Variants in UPB1 observed in about 807,000 individuals in gnomAD.
UPB1 encodes beta-ureidopropionase.
In UPB1, 40 loss-of-function variants were observed where a neutral mutation model predicts 49.1. The ratio of observed to expected loss-of-function variants is 0.81; its 90% CI spans 0.63 to 1.06. UPB1 has a LOEUF of 1.06. Ranked by LOEUF, UPB1 falls within the 50% of genes least tolerant of loss-of-function variation. UPB1 has a pLI of 0.00. For synonymous variants in UPB1, 207 were observed against 198.2 expected, an observed-to-expected ratio of 1.04 and a Z score of -0.38; for missense variants, 499 against 505.9, an observed-to-expected ratio of 0.99 and a Z score of 0.13.
At chr22:24,521,253 G>A (rs555919344) in intron 7 of UPB1, among the ~76,000 whole-genome samples, 65 of 150,460 alleles carry the variant, frequency 4.3e-4, no homozygotes, top group African/African-American at 1.5e-3. Flanking sequence ...AGACCGAGTC[G>A]GGTAGATCAC....
At chr22:24,516,264 C>T (rs6004171) in intron 6 of UPB1, among the ~76,000 whole-genome samples, 59,579 of 151,696 alleles carry the variant, frequency 0.39, 11,968 homozygotes, top group South Asian at 0.54. Context: ...ACAGATAGAA[C>T]TGCCCTTGTC....
chr22:24,520,017 C>G, intron 6 of UPB1: 2 of 338,682 alleles, frequency 5.9e-6, no homozygotes, highest in Non-Finnish European at 1.2e-5. Context: ...GTCATTCAGT[C>G]TTCATAGTCT....
intron 7 of UPB1, 62 bp downstream of exon 7, chr22:24,520,530 C>T (rs1451951509): frequency 2.6e-6 from 4 of 1,563,452 alleles, no homozygotes; most frequent in Admixed American, 1.8e-5. Flanking sequence ...TGGGGACACC[C>T]CGTTCCCTCT....
chr22:24,511,094 G>A (rs572261893), intron 4 of UPB1, among the ~76,000 whole-genome samples: 3 of 152,158 alleles, frequency 2.0e-5, no homozygotes, highest in South Asian at 2.1e-4. Context: ...GAGGGTGGTC[G>A]GAGGTGACTT....
In UPB1 at chr22:24,515,237, G is replaced by A. The variant is rs143521220; in HGVS notation, c.658G>A (p.Val220Met). Reference sequence around the variant, plus strand: ...CATGGAGGGAAACCTGGGCCACCCCGTGTTCCAGACGCAGTTCGGAAGGAT... The same window carrying A: ...CATGGAGGGAAACCTGGGCCACCCCATGTTCCAGACGCAGTTCGGAAGGAT... ...YYMEGNLGHP[V>M]FQTQFGRIAV... Residue 220 changes from valine (V) to methionine (M), a missense_variant, in exon 6 of 10, where the codon GTG becomes ATG. Coordinates refer to ENST00000326010, the MANE Select transcript of UPB1 (RefSeq NM_016327.3). The A allele has an allele frequency of 4.3e-5, 69 of 1,614,020 alleles. No individual in the cohort carries two copies. Among genetic ancestry groups the A allele is most frequent in the African/African-American group, 1.1e-4 (8 of 74,900 alleles).
chr22:24,496,848 G>A lies in UPB1; in HGVS notation c.104+1341G>A, dbSNP rs35270298. 3.3e-5 allele frequency among the ~76,000 whole-genome samples: 5 copies of A among 152,170 alleles called. 1 individual carries two copies. Among genetic ancestry groups the A allele is most frequent in the Admixed American group, 3.3e-4 (5 of 15,280 alleles). ...TCAGATGGCTCAGAAATGTCTAGCG[G>A]GTGAGGACAGCAGGAAGTCTGCTGG... On this transcript the variant is annotated intron_variant, in intron 1 of 9. Transcript: ENST00000326010.
intron 8 of UPB1, 71 bp downstream of exon 8, chr22:24,522,099 T>C: frequency 5.1e-6 from 8 of 1,564,700 alleles, no homozygotes; most frequent in African/African-American, 1.3e-5. Flanking sequence ...GTCTGCTTCC[T>C]CCAGTCAGGA....
At chr22:24,521,669 C>T (rs1211181199) in intron 7 of UPB1, among the ~76,000 whole-genome samples, 1 of 152,152 alleles carries the variant, frequency 6.6e-6, no homozygotes, top group Non-Finnish European at 1.5e-5. Flanking sequence ...AGGCCAGCCT[C>T]AGGTGCCCAC....
In UPB1 at chr22:24,510,780, G is replaced by A. The variant is rs549258723; in HGVS notation, c.396G>A (p.Lys132=). The A allele has an allele frequency of 6.2e-7, 1 of 1,614,174 alleles. No homozygotes were observed. Among genetic ancestry groups the A allele is most frequent in the African/African-American group, 1.3e-5 (1 of 75,044 alleles). Residue 132 remains lysine, a synonymous_variant, in exon 4 of 10, where the codon AAG becomes AAA. Transcript: ENST00000326010. ...TMPFAFCTRE[K]LPWTEFAESA... ...CCTTTGCCTTCTGTACGAGAGAGAA[G>A]CTTCCTTGGACAGAATTTGCTGAGT... is the stretch of plus-strand genomic sequence containing the variant.
chr22:24,521,920 T>G (rs1336234856), intron 7 of UPB1, 66 bp from the exon 8 acceptor site: 1,150 of 1,539,418 alleles, frequency 7.5e-4, no homozygotes, highest in Non-Finnish European at 9.5e-4. Flanking sequence ...TCTGGCTGAG[T>G]GAGCTGGAAT....
chr22:24,513,734 T>A (rs1049553937), intron 5 of UPB1, among the ~76,000 whole-genome samples: 4 of 152,190 alleles, frequency 2.6e-5, no homozygotes, highest in Non-Finnish European at 5.9e-5. Flanking sequence ...ATGGGGCATA[T>A]ATTTTTTTAA....
Position 24,505,992 on chromosome 22 carries a change from C to T in UPB1, c.364+3779C>T, listed in dbSNP as rs527424730. ...CCTCCCAAAGTTCTGGGATTACAGG[C>T]GTGAGCCACCGTGCCTGGCCCTAAC... On this transcript the variant is annotated intron_variant, in intron 3 of 9. Coordinates refer to ENST00000326010, the MANE Select transcript of UPB1 (RefSeq NM_016327.3). Among the ~76,000 whole-genome samples the T allele has an allele frequency of 6.3e-5, 9 of 143,998 alleles. No homozygotes were observed. The South Asian group carries it at 1.8e-3, about 28-fold the overall frequency. The allele number at this position is 143,998 out of a possible 152,430, so 94.5% of individuals were successfully genotyped here. A position where few individuals can be genotyped will look rare whatever the true frequency, so the allele number is the denominator to read the frequency against.
chr22:24,506,869 G>A (rs1456754562), intron 3 of UPB1, among the ~76,000 whole-genome samples: 1 of 152,144 alleles, frequency 6.6e-6, no homozygotes, highest in Non-Finnish European at 1.5e-5. Context: ...TCAAAGTCTA[G>A]CACAGGTACC....
intron 6 of UPB1, among the ~76,000 whole-genome samples, chr22:24,518,665 T>C (rs1239593206): frequency 6.6e-6 from 1 of 152,196 alleles, no homozygotes; most frequent in Admixed American, 6.5e-5. Context: ...CAGCAGGGTG[T>C]CCTCATTCAT....
chr22:24,498,597 G>A (rs961588684), intron 1 of UPB1, among the ~76,000 whole-genome samples: 2 of 152,166 alleles, frequency 1.3e-5, no homozygotes, highest in Admixed American at 1.3e-4. Flanking sequence ...GGGATAAGGA[G>A]GTGGGCAGCC....
At chr22:24,515,437 G>T in intron 6 of UPB1, 67 bp downstream of exon 6, 1 of 1,607,496 alleles carries the variant, frequency 6.2e-7, no homozygotes. Flanking sequence ...AGGCTGGGCT[G>T]TGGAGCTCCA....
At chr22:24,518,956 C>T (rs916276280) in intron 6 of UPB1, among the ~76,000 whole-genome samples, 4 of 152,322 alleles carry the variant, frequency 2.6e-5, no homozygotes, top group Admixed American at 6.5e-5. Context: ...TCACTAACCC[C>T]AGCTTCCTTT....
At position 24,525,904 on chromosome 22, in the gene UPB1, G is replaced by A. The variant is rs2044475214; in HGVS notation, c.*110G>A. 2 of 1,440,174 alleles carry A rather than the reference G, an allele frequency of 1.4e-6. No homozygotes were observed. The highest frequency in any genetic ancestry group is 2.3e-5 in the East Asian group (1 of 43,486). The allele number at this position is 1,440,174 out of a possible 1,614,324, so 89.2% of individuals were successfully genotyped here. On this transcript the variant is annotated 3_prime_UTR_variant, in exon 10 of 10. Coordinates refer to ENST00000326010, the MANE Select transcript of UPB1 (RefSeq NM_016327.3). ...TCTCCCCAATAACATTGTCCAGGTTGGTTTTAAAATTCCCAGGCAGGGGGA... is the reference window on the plus strand; with the variant it reads ...TCTCCCCAATAACATTGTCCAGGTTAGTTTTAAAATTCCCAGGCAGGGGGA...
rs2044437433 is a variant in UPB1, at chr22:24,523,764, GA to G, written c.1064del (p.Asn355ThrfsTer4). 1 of 1,614,128 alleles carries G rather than the reference GA, an allele frequency of 6.2e-7. No homozygotes were observed. The highest frequency in any genetic ancestry group is 8.5e-7 in the Non-Finnish European group (1 of 1,180,060). On this transcript the variant is annotated frameshift_variant, in exon 9 of 10. Transcript: ENST00000326010. LOFTEE classifies it high-confidence loss of function. Reference protein sequence around the residue: ...NLCQQVNDVWNFKMTGRYEMY... With the variant: ...NLCQQVNDVWXFKMTGRYEMY... ...TCTGCCAGCAGGTGAATGATGTCTG[GA>G]ACTTCAAGGTAGGTCCCCAGGACCC...
Sources: allele counts gnomAD v4.1 joint callset (sites outside exome capture counted in the v4.1 genomes callset), GRCh38; gene constraint gnomAD v4.1.1; transcripts MANE v1.5; gene names NCBI Gene and HGNC (gene_info 2026-07-23, HGNC 2026-07-21).